GRM5: variants seen among roughly 807,000 people sequenced by gnomAD.
GRM5 encodes metabotropic glutamate receptor 5.
In GRM5, 19 loss-of-function variants were observed where a neutral mutation model predicts 83.1. The observed-to-expected ratio is 0.23, with a 90% CI of 0.16 to 0.34. The LOEUF is 0.34. GRM5 is among the 10% of genes least tolerant of loss of function. The probability of loss-of-function intolerance (pLI) is 1.00; values close to 1 mark genes in which losing one functional copy is unlikely to be tolerated. For synonymous variants in GRM5, 675 were observed against 633.6 expected, an observed-to-expected ratio of 1.07 and a Z score of -0.98; for missense variants, 1,160 against 1,588.3, an observed-to-expected ratio of 0.73 and a Z score of 4.58.
intron 2 of GRM5, among the ~76,000 whole-genome samples, chr11:88,966,716 A>C (rs2099581004): frequency 6.6e-6 from 1 of 152,142 alleles, no homozygotes; most frequent in Admixed American, 6.6e-5. Context: ...AAGTTCATGG[A>C]CTTCAATGGA....
chr11:88,899,505 T>C (rs868423599), intron 2 of GRM5, among the ~76,000 whole-genome samples: 9 of 151,968 alleles, frequency 5.9e-5, no homozygotes, highest in African/African-American at 2.2e-4. Context: ...GAACAGTAAT[T>C]TTAAAATATA....
intron 1 of GRM5, among the ~76,000 whole-genome samples, chr11:89,058,178 A>G (rs1941916231): frequency 6.6e-6 from 1 of 152,242 alleles, no homozygotes; most frequent in Admixed American, 6.5e-5. Context: ...TGTAACGTAC[A>G]TAAATTCATC....
chr11:88,874,187 G>C (rs1410518537), intron 2 of GRM5, among the ~76,000 whole-genome samples: 2 of 150,368 alleles, frequency 1.3e-5, no homozygotes. Context: ...AAAAAAGGAA[G>C]TACAAGGAAT....
chr11:88,742,419 A>G (rs1461283181), intron 3 of GRM5, among the ~76,000 whole-genome samples: 2 of 152,136 alleles, frequency 1.3e-5, no homozygotes, highest in African/African-American at 2.4e-5. Context: ...GGAAATTTAC[A>G]TTAATGGCTA....
intron 2 of GRM5, among the ~76,000 whole-genome samples, chr11:89,022,486 C>CAAA (rs10573194): frequency 2.5e-3 from 310 of 126,044 alleles, no homozygotes; most frequent in African/African-American, 8.5e-3. Flanking sequence ...ACTAAAAATA[C>CAAA]AAAAAAAAAA....
At chr11:88,747,284 C>A (rs963181154) in intron 3 of GRM5, among the ~76,000 whole-genome samples, 1 of 152,120 alleles carries the variant, frequency 6.6e-6, no homozygotes, top group African/African-American at 2.4e-5. Flanking sequence ...GTGAATACAG[C>A]ATAACAAGCT....
intron 2 of GRM5, among the ~76,000 whole-genome samples, chr11:88,991,213 C>A (rs999672388): frequency 3.9e-5 from 6 of 152,068 alleles, no homozygotes; most frequent in Admixed American, 3.9e-4. Flanking sequence ...TTCTTATACA[C>A]CAACAACAGA....
In GRM5 at chr11:89,064,224, T is replaced by C. The variant is rs187295569; in HGVS notation, c.-201+1552A>G. Among the ~76,000 whole-genome samples, 166 of 152,290 alleles carry C rather than the reference T, an allele frequency of 1.1e-3. 1 individual carries two copies. The highest frequency in any genetic ancestry group is 3.9e-3 in the African/African-American group (160 of 41,548). On this transcript the variant is annotated intron_variant, in intron 1 of 9. Coordinates refer to ENST00000305447, the MANE Select transcript of GRM5 (RefSeq NM_001143831.3). ...TATTTTCCTTGCCACCAAACCTTCT[T>C]CCTCAATGCTAACCTTAAAAATAGC...
At chr11:88,747,480 G>A (rs1942167706) in intron 3 of GRM5, among the ~76,000 whole-genome samples, 1 of 152,096 alleles carries the variant, frequency 6.6e-6, no homozygotes, top group Non-Finnish European at 1.5e-5. Flanking sequence ...TGAACTCTAG[G>A]CTGTACGTGT....
intron 2 of GRM5, among the ~76,000 whole-genome samples, chr11:88,856,288 G>A (rs572958106): frequency 1.1e-4 from 16 of 151,992 alleles, no homozygotes; most frequent in African/African-American, 3.6e-4. Context: ...ACTATTTAAT[G>A]TTGTTGTTTT....
chr11:88,804,138 G>A (rs1299541994), intron 3 of GRM5, among the ~76,000 whole-genome samples: 21 of 151,916 alleles, frequency 1.4e-4, no homozygotes, highest in East Asian at 7.7e-4. Flanking sequence ...CGATTCCTCG[G>A]GGATCTAGAA....
chr11:88,808,354 G>A (rs1943533322), intron 3 of GRM5, among the ~76,000 whole-genome samples: 1 of 151,970 alleles, frequency 6.6e-6, no homozygotes, highest in African/African-American at 2.4e-5. Context: ...TGCAGGGTAT[G>A]TATTTACCAT....
At chr11:88,736,858 A>C (rs1941925126) in intron 3 of GRM5, among the ~76,000 whole-genome samples, 1 of 140,428 alleles carries the variant, frequency 7.1e-6, no homozygotes, top group Admixed American at 7.0e-5. Context: ...GAGGCAGCTC[A>C]GTTTGACAAG....
At chr11:88,731,743 T>A (rs1436129448) in intron 3 of GRM5, among the ~76,000 whole-genome samples, 2 of 152,000 alleles carry the variant, frequency 1.3e-5, no homozygotes, top group African/African-American at 2.4e-5. Flanking sequence ...TAAACCAGTA[T>A]TAAGATGTGT....
At chr11:88,603,401 C>A (rs1938053789) in intron 5 of GRM5, among the ~76,000 whole-genome samples, 1 of 152,200 alleles carries the variant, frequency 6.6e-6, no homozygotes, top group Non-Finnish European at 1.5e-5. Context: ...TAATAAATTC[C>A]TGTGCAGGTA....
At chr11:88,984,976 T>C in intron 2 of GRM5, 2 of 541,746 alleles carry the variant, frequency 3.7e-6, no homozygotes, top group Non-Finnish European at 6.7e-6. Flanking sequence ...GTATTATGTG[T>C]ATCATCAATC....
chr11:88,711,321 G>A (rs1239949930), intron 3 of GRM5, among the ~76,000 whole-genome samples: 1 of 152,008 alleles, frequency 6.6e-6, no homozygotes, highest in Non-Finnish European at 1.5e-5. Context: ...GAATTCTACC[G>A]CAGCCAAAGG....
At chr11:88,691,160 G>C (rs943320123) in intron 3 of GRM5, among the ~76,000 whole-genome samples, 3 of 152,294 alleles carry the variant, frequency 2.0e-5, no homozygotes, top group East Asian at 3.9e-4. Context: ...ACAAAAGGTG[G>C]TGTAGGAAAG....
At chr11:88,578,121 T>C (rs1943151412) in intron 7 of GRM5, among the ~76,000 whole-genome samples, 1 of 152,128 alleles carries the variant, frequency 6.6e-6, no homozygotes, top group Non-Finnish European at 1.5e-5. Flanking sequence ...TTTAGGTATG[T>C]GTTGCCCCAA....
Sources: allele counts gnomAD v4.1 joint callset (sites outside exome capture counted in the v4.1 genomes callset), GRCh38; gene constraint gnomAD v4.1.1; transcripts MANE v1.5; gene names NCBI Gene and HGNC (gene_info 2026-07-23, HGNC 2026-07-21).